The following DKK2 variants were observed in gnomAD, a reference collection of about 807,000 sequenced individuals.
DKK2 encodes dickkopf-related protein 2.
Under a neutral mutation model 28.1 loss-of-function variants are expected in DKK2, and 11 were observed. The observed-to-expected ratio is 0.39, with a 90% confidence interval of 0.25 to 0.65. The LOEUF is 0.65. Ranked by LOEUF, DKK2 falls within the 30% of genes least tolerant of loss-of-function variation. DKK2 has a pLI of 0.47. For synonymous variants in DKK2, 135 were observed against 126.5 expected (o/e 1.07, Z -0.45); for missense variants, 326 against 335.5 (o/e 0.97, Z 0.22).
chr4:107,005,953 A>G (rs1357263366), intron 1 of DKK2, among the ~76,000 whole-genome samples: 1 of 152,176 alleles, frequency 6.6e-6, no homozygotes, highest in Non-Finnish European at 1.5e-5. Flanking sequence ...CTCAGGGACT[A>G]CTATAGTCCC....
intron 1 of DKK2, among the ~76,000 whole-genome samples, chr4:107,019,778 A>T (rs1305528244): frequency 6.6e-6 from 1 of 151,790 alleles, no homozygotes; most frequent in Non-Finnish European, 1.5e-5. Flanking sequence ...ACAGAATATC[A>T]CTCCCTCAAT....
intron 1 of DKK2, among the ~76,000 whole-genome samples, chr4:106,998,725 G>A (rs1578373014): frequency 6.6e-6 from 1 of 152,058 alleles, no homozygotes; most frequent in Non-Finnish European, 1.5e-5. Flanking sequence ...ATTGCCGTAT[G>A]TTCTTTTCAG....
intron 1 of DKK2, among the ~76,000 whole-genome samples, chr4:106,983,328 G>A (rs1451736716): frequency 7.9e-5 from 9 of 113,370 alleles, no homozygotes; most frequent in Admixed American, 3.0e-4. Context: ...AAGAAAGAAA[G>A]GAAGAAAGGA....
intron 1 of DKK2, among the ~76,000 whole-genome samples, chr4:107,026,368 CTCTT>C (rs908096632): frequency 6.6e-6 from 1 of 151,944 alleles, no homozygotes; most frequent in African/African-American, 2.4e-5. Context: ...AGCAAAAAAA[CTCTT>C]TAGTACATAA....
chr4:106,938,844 G>C (rs370993780), intron 1 of DKK2, among the ~76,000 whole-genome samples: 42 of 151,272 alleles, frequency 2.8e-4, no homozygotes, highest in African/African-American at 4.9e-4. Flanking sequence ...CATATAAACA[G>C]AGCCAAAGAC....
At chr4:106,972,387 T>C (rs552864961) in intron 1 of DKK2, among the ~76,000 whole-genome samples, 5 of 151,598 alleles carry the variant, frequency 3.3e-5, no homozygotes, top group Admixed American at 6.6e-5. Flanking sequence ...GTCTCTGGAA[T>C]GTTATTATCT....
intron 1 of DKK2, among the ~76,000 whole-genome samples, chr4:106,929,940 G>A (rs1724476991): frequency 6.6e-6 from 1 of 152,136 alleles, no homozygotes. Context: ...GCAATTAATA[G>A]TGAGAGTTTA....
chr4:106,973,139 T>C (rs1182839164), intron 1 of DKK2, among the ~76,000 whole-genome samples: 1 of 152,252 alleles, frequency 6.6e-6, no homozygotes, highest in East Asian at 1.9e-4. Flanking sequence ...CACTCTATCA[T>C]TGATGGGCAT....
At chr4:106,924,384 G>A (rs1578343448) in intron 3 of DKK2, 161 bp downstream of exon 3, 1 of 1,232,974 alleles carries the variant, frequency 8.1e-7, no homozygotes, top group South Asian at 1.6e-5. Flanking sequence ...AATCTATTAT[G>A]GTCTGTTTCC....
chr4:106,980,262 T>A (rs914707958), intron 1 of DKK2, among the ~76,000 whole-genome samples: 9 of 152,108 alleles, frequency 5.9e-5, no homozygotes, highest in African/African-American at 2.2e-4. Flanking sequence ...TATCTACACA[T>A]CTATATACTT....
chr4:107,016,462 T>C (rs1328883574), intron 1 of DKK2, among the ~76,000 whole-genome samples: 1 of 151,930 alleles, frequency 6.6e-6, no homozygotes, highest in Non-Finnish European at 1.5e-5. Context: ...GACTACAAAA[T>C]AAAGATATTT....
Position 106,974,335 on chromosome 4 carries a change from A to G in DKK2, c.223-48386T>C, listed in dbSNP as rs574935755. ...GAATCTACAAATTACTTTGGGCAGT[A>G]TGGCCATTTTCACGATATTGATTCT... On this transcript the variant is annotated intron_variant, in intron 1 of 3. Coordinates refer to ENST00000285311, the MANE Select transcript of DKK2 (RefSeq NM_014421.3). 3.9e-5 allele frequency among the ~76,000 whole-genome samples: 6 copies of G among 152,282 alleles called. No homozygotes were observed. The South Asian group carries it at 1.0e-3, about 26-fold the overall frequency.
In DKK2 at chr4:106,949,835, GTCTA is replaced by G. The variant is rs1385674752; in HGVS notation, c.223-23890_223-23887del. Among the ~76,000 whole-genome samples the G allele has an allele frequency of 3.3e-5, 5 of 151,772 alleles. No individual in the cohort carries two copies. The South Asian group carries it at 8.3e-4, about 25-fold the overall frequency. ...GTATGGCATGACCTCTTTTTGTTGT[GTCTA>G]TCTATTAGGACCAAACCAAACACCT... On this transcript the variant is annotated intron_variant, in intron 1 of 3. Coordinates refer to ENST00000285311, the MANE Select transcript of DKK2 (RefSeq NM_014421.3).
At chr4:106,977,215 T>C (rs1459259864) in intron 1 of DKK2, among the ~76,000 whole-genome samples, 1 of 152,190 alleles carries the variant, frequency 6.6e-6, no homozygotes, top group Admixed American at 6.5e-5. Flanking sequence ...CAATTATGTG[T>C]CGTGGGGTTG....
chr4:107,020,921 T>C (rs923536966), intron 1 of DKK2, among the ~76,000 whole-genome samples: 8 of 152,092 alleles, frequency 5.3e-5, no homozygotes, highest in African/African-American at 1.9e-4. Flanking sequence ...AACATACCAC[T>C]GACCTAGGTT....
At chr4:107,000,204 C>T (rs1723339565) in intron 1 of DKK2, among the ~76,000 whole-genome samples, 1 of 152,090 alleles carries the variant, frequency 6.6e-6, no homozygotes. Context: ...AGTCCTTGGT[C>T]AATGGTAATT....
chr4:107,027,014 G>C (rs1342921634), intron 1 of DKK2, among the ~76,000 whole-genome samples: 1 of 152,074 alleles, frequency 6.6e-6, no homozygotes, highest in Middle Eastern at 3.2e-3. Context: ...AGAGAAATAA[G>C]TGAAGAAAAT....
At chr4:106,960,449 G>A (rs1371289417) in intron 1 of DKK2, among the ~76,000 whole-genome samples, 1 of 151,916 alleles carries the variant, frequency 6.6e-6, no homozygotes, top group East Asian at 1.9e-4. Flanking sequence ...ACTAAAAGAT[G>A]AAAAACTAAC....
chr4:107,022,678 G>A (rs1166641785), intron 1 of DKK2, among the ~76,000 whole-genome samples: 1 of 152,120 alleles, frequency 6.6e-6, no homozygotes, highest in Non-Finnish European at 1.5e-5. Flanking sequence ...TAGAAGTGGT[G>A]TAGATAATGT....
Sources: gnomAD v4.1 joint callset for allele counts (sites outside exome capture counted in the v4.1 genomes callset) on GRCh38, gnomAD v4.1.1 for gene constraint, MANE v1.5 for transcripts, NCBI Gene and HGNC (gene_info 2026-07-23, HGNC 2026-07-21) for gene names.